Variants in SDC4 observed in about 807,000 individuals in gnomAD.
SDC4 encodes syndecan 4, also known as syndecan-4.
In SDC4, 17 loss-of-function variants were observed where a neutral mutation model predicts 20.5. The ratio of observed to expected loss-of-function variants is 0.83; its 90% CI spans 0.57 to 1.25. SDC4 has a LOEUF of 1.25. Ranked by LOEUF, SDC4 falls within the 50% of genes most tolerant of loss-of-function variation. SDC4 has a pLI of 0.00. For synonymous variants in SDC4, 107 were observed against 105.3 expected, an observed-to-expected ratio of 1.02 and a Z score of -0.10; for missense variants, 241 against 252.3, an observed-to-expected ratio of 0.96 and a Z score of 0.30.
chr20:45,339,133 C>T lies in SDC4; in HGVS notation c.61-3213G>A, dbSNP rs192552664. ...AGGCCAGCAAGACGGGACCAAGCCC[C>T]GTGGGATTGTGGGCAATCACTCTTT... On this transcript the variant is annotated intron_variant, in intron 1 of 4. Coordinates refer to ENST00000372733, the MANE Select transcript of SDC4 (RefSeq NM_002999.4). 5.9e-5 allele frequency among the ~76,000 whole-genome samples: 9 copies of T among 152,330 alleles called. No individual in the cohort carries two copies. In the East Asian group the frequency reaches 1.5e-3, roughly 26 times the overall value.
At chr20:45,331,687 C>T (rs1450460313) in intron 3 of SDC4, among the ~76,000 whole-genome samples, 1 of 152,196 alleles carries the variant, frequency 6.6e-6, no homozygotes, top group African/African-American at 2.4e-5. Flanking sequence ...ACTACATTAG[C>T]ATGCTAAGAG....
intron 1 of SDC4, among the ~76,000 whole-genome samples, chr20:45,337,873 C>T (rs1189116368): frequency 6.6e-6 from 1 of 152,202 alleles, no homozygotes; most frequent in Non-Finnish European, 1.5e-5. Flanking sequence ...GCTTGGCACC[C>T]GTGGGGGTGG....
intron 4 of SDC4, among the ~76,000 whole-genome samples, chr20:45,327,833 A>G (rs2076024): frequency 0.49 from 74,816 of 152,018 alleles, 18,554 homozygotes; most frequent in Admixed American, 0.56. Flanking sequence ...TAGTAGAGAT[A>G]GGGTTTCACT....
chr20:45,336,256 T>C (rs1156388519), intron 1 of SDC4, among the ~76,000 whole-genome samples: 1 of 152,044 alleles, frequency 6.6e-6, no homozygotes, highest in African/African-American at 2.4e-5. Flanking sequence ...CTACTAAAAA[T>C]ACAAAAATCA....
chr20:45,335,667 C>A, intron 2 of SDC4, 115 bp downstream of exon 2: 1 of 1,120,484 alleles, frequency 8.9e-7, no homozygotes, highest in Admixed American at 2.1e-5. Flanking sequence ...AAGAAGGGCA[C>A]TCTAGGAAAA....
intron 1 of SDC4, among the ~76,000 whole-genome samples, chr20:45,344,731 C>A (rs183397339): frequency 1.1e-3 from 172 of 152,304 alleles, no homozygotes; most frequent in Middle Eastern, 3.4e-3. Flanking sequence ...GACTCTTCAC[C>A]AAGGAGGCCA....
At chr20:45,347,896 A>T (rs1170393282) in intron 1 of SDC4, among the ~76,000 whole-genome samples, 1 of 151,552 alleles carries the variant, frequency 6.6e-6, no homozygotes, top group Non-Finnish European at 1.5e-5. Flanking sequence ...CCCCCTTCCG[A>T]GTACACGCAG....
intron 1 of SDC4, among the ~76,000 whole-genome samples, chr20:45,339,695 G>A (rs1040320284): frequency 5.9e-5 from 9 of 152,296 alleles, no homozygotes; most frequent in African/African-American, 1.7e-4. Flanking sequence ...AGCTACGATC[G>A]TGCCACTGCA....
At chr20:45,330,674 G>C in intron 3 of SDC4, 110 bp from the exon 4 acceptor site, 1 of 902,462 alleles carries the variant, frequency 1.1e-6, no homozygotes, top group South Asian at 1.6e-5. Flanking sequence ...ATATTCAGCT[G>C]AACCATATGG....
At chr20:45,345,212 G>T (rs1423441546) in intron 1 of SDC4, 1 of 152,210 alleles carries the variant, frequency 6.6e-6, no homozygotes, top group East Asian at 1.9e-4. Context: ...CAGAGTTCCT[G>T]CCCTCAGTGT....
chr20:45,347,532 AC>A (rs956587177), intron 1 of SDC4, among the ~76,000 whole-genome samples: 1 of 151,308 alleles, frequency 6.6e-6, no homozygotes, highest in African/African-American at 2.4e-5. Context: ...TCTCCCCCCT[AC>A]CCCCTTCACC....
At chr20:45,336,067 C>T (rs945670184) in intron 1 of SDC4, 147 bp from the exon 2 acceptor site, 15 of 720,880 alleles carry the variant, frequency 2.1e-5, no homozygotes, top group Non-Finnish European at 3.4e-5. Context: ...CACTCTACCT[C>T]TAACTCACCG....
chr20:45,327,836 G>A (rs1022834597), intron 4 of SDC4, among the ~76,000 whole-genome samples: 8 of 152,196 alleles, frequency 5.3e-5, no homozygotes, highest in Non-Finnish European at 1.0e-4. Context: ...TAGAGATAGG[G>A]TTTCACTATG....
intron 1 of SDC4, among the ~76,000 whole-genome samples, chr20:45,343,536 G>A (rs541461852): frequency 4.6e-5 from 7 of 152,276 alleles, no homozygotes; most frequent in African/African-American, 1.4e-4. Flanking sequence ...GAGAGGTGGG[G>A]CTGCCCAGAA....
At chr20:45,333,787 ATTATT>A (rs1250837264) in intron 2 of SDC4, among the ~76,000 whole-genome samples, 7 of 152,238 alleles carry the variant, frequency 4.6e-5, no homozygotes, top group Non-Finnish European at 8.8e-5. Context: ...GAGTTACATT[ATTATT>A]TTAATTACTT....
chr20:45,332,044 G>A (rs1041808053), intron 3 of SDC4, among the ~76,000 whole-genome samples: 1 of 152,036 alleles, frequency 6.6e-6, no homozygotes, highest in Non-Finnish European at 1.5e-5. Context: ...GTCAATAAAG[G>A]GAATCAGGTA....
intron 2 of SDC4, among the ~76,000 whole-genome samples, chr20:45,335,232 C>T (rs1051433495): frequency 2.6e-5 from 4 of 151,510 alleles, no homozygotes; most frequent in African/African-American, 9.7e-5. Flanking sequence ...GGCTGGAGTG[C>T]AGTAGCATGA....
At chr20:45,336,775 G>C (rs990269107) in intron 1 of SDC4, among the ~76,000 whole-genome samples, 1 of 151,948 alleles carries the variant, frequency 6.6e-6, no homozygotes, top group Non-Finnish European at 1.5e-5. Flanking sequence ...AGTCAGTCTG[G>C]GCCGGGACAG....
intron 1 of SDC4, among the ~76,000 whole-genome samples, chr20:45,346,647 C>T (rs1477824330): frequency 6.6e-6 from 1 of 152,190 alleles, no homozygotes; most frequent in Non-Finnish European, 1.5e-5. Flanking sequence ...AGTTGCTTGA[C>T]CCGACACATC....
Sources: gnomAD v4.1 joint callset for allele counts (sites outside exome capture counted in the v4.1 genomes callset) on GRCh38, gnomAD v4.1.1 for gene constraint, MANE v1.5 for transcripts, NCBI Gene and HGNC (gene_info 2026-07-23, HGNC 2026-07-21) for gene names.